Variants in FGL1 observed in about 807,000 individuals in gnomAD.
FGL1 encodes fibrinogen like 1.
FGL1 carries 59 observed loss-of-function variants against 43.7 expected under a neutral mutation model. That is an observed-to-expected ratio of 1.35 (90% confidence interval 1.10 to 1.68). The LOEUF (loss-of-function observed/expected upper bound fraction) is 1.68. Ranked by LOEUF, FGL1 falls within the 40% of genes most tolerant of loss-of-function variation. The probability of loss-of-function intolerance (pLI) is 0.00; values close to 1 mark genes in which losing one functional copy is unlikely to be tolerated. For synonymous variants in FGL1, 192 were observed against 126.5 expected (o/e 1.52, Z -3.48); for missense variants, 596 against 373.0 (o/e 1.60, Z -4.92).
At chr8:17,878,388 G>C (rs2053488184) in intron 3 of FGL1, among the ~76,000 whole-genome samples, 1 of 152,132 alleles carries the variant, frequency 6.6e-6, no homozygotes, top group African/African-American at 2.4e-5. Flanking sequence ...TAGCAAGATG[G>C]GCAGCTGGAC....
At position 17,882,804 on chromosome 8, in the gene FGL1, A is replaced by T. The variant is rs1477009280; in HGVS notation, c.64-625T>A. On this transcript the variant is annotated intron_variant, in intron 2 of 7. Coordinates refer to ENST00000427924, the MANE Select transcript of FGL1 (RefSeq NM_004467.4). ...ATAATATATAGTATATAATATATTA[A>T]ACAATATATAATATATCATATATAA... 6.4e-3 allele frequency: 809 copies of T among 125,998 alleles called. 27 individuals carry two copies. Among genetic ancestry groups the T allele is most frequent in the African/African-American group, 0.025 (773 of 31,324 alleles). 7.8% of individuals were successfully genotyped at this position (125,998 alleles called of 1,614,324 possible). A position where few individuals can be genotyped will look rare whatever the true frequency, so the allele number is the denominator to read the frequency against.
chr8:17,871,770 G>T (rs374952212), intron 5 of FGL1, among the ~76,000 whole-genome samples: 1 of 152,148 alleles, frequency 6.6e-6, no homozygotes, highest in Non-Finnish European at 1.5e-5. Context: ...GGATACGTGG[G>T]TGGGGGCCCA....
intron 1 of FGL1, among the ~76,000 whole-genome samples, chr8:17,886,615 A>C (rs1036291459): frequency 2.6e-5 from 4 of 151,924 alleles, no homozygotes; most frequent in Admixed American, 6.6e-5. Context: ...AAAATTAGCC[A>C]GGCGTGGTGG....
intron 3 of FGL1, among the ~76,000 whole-genome samples, chr8:17,876,417 A>ATATACTCCTGC (rs528476280): frequency 7.4e-4 from 112 of 152,310 alleles, no homozygotes; most frequent in African/African-American, 1.4e-3. Context: ...GGGACCAACC[A>ATATACTCCTGC]TATACTCCTG....
chr8:17,883,649 A>G (rs2053583770), intron 2 of FGL1, among the ~76,000 whole-genome samples: 1 of 145,598 alleles, frequency 6.9e-6, no homozygotes, highest in Non-Finnish European at 1.5e-5. Flanking sequence ...ATATGCATAT[A>G]TAATACATTT....
intron 3 of FGL1, among the ~76,000 whole-genome samples, chr8:17,881,724 C>A (rs761157779): frequency 6.6e-6 from 1 of 150,906 alleles, no homozygotes; most frequent in African/African-American, 2.4e-5. Flanking sequence ...GTCCCAGCTA[C>A]TCGGGAGACT....
chr8:17,889,806 A>C (rs1442978525), intron 1 of FGL1, among the ~76,000 whole-genome samples: 2 of 152,232 alleles, frequency 1.3e-5, no homozygotes, highest in Non-Finnish European at 2.9e-5. Flanking sequence ...TTTCTGACTT[A>C]GAAAAATGGC....
chr8:17,869,124 G>T, intron 5 of FGL1, 120 bp from the exon 6 acceptor site: 1 of 584,990 alleles, frequency 1.7e-6, no homozygotes. Context: ...CCAAGAATCA[G>T]TTTTCAAAGA....
chr8:17,868,621 T>G lies in FGL1; in HGVS notation c.706A>C (p.Thr236Pro). 5 of 1,614,158 alleles carry G rather than the reference T, an allele frequency of 3.1e-6. No individual in the cohort carries two copies. Among genetic ancestry groups the G allele is most frequent in the Non-Finnish European group, 4.2e-6 (5 of 1,180,024 alleles). Reference protein sequence around the residue: ...WASHQRMKFSTWDRDHDNYEG... With the variant: ...WASHQRMKFSPWDRDHDNYEG... ...TAGTTGTCATGATCTCTGTCCCACG[T>G]GCTGAATTTCATTCTTTGGTGACTA... The change falls in exon 7 of 8, where the codon ACG (threonine) becomes CCG (proline). Residue 236 changes from threonine (T) to proline (P), a missense_variant. By Grantham distance (38) the Thr-to-Pro change is conservative. Coordinates refer to ENST00000427924, the MANE Select transcript of FGL1 (RefSeq NM_004467.4).
At chr8:17,866,542 T>G (rs1331618451) in intron 7 of FGL1, among the ~76,000 whole-genome samples, 2 of 152,218 alleles carry the variant, frequency 1.3e-5, no homozygotes, top group Non-Finnish European at 2.9e-5. Context: ...TAATGCCTAC[T>G]GATTTTCCAA....
chr8:17,893,582 G>A (rs1484491917), intron 1 of FGL1, among the ~76,000 whole-genome samples: 17 of 148,128 alleles, frequency 1.1e-4, no homozygotes, highest in African/African-American at 4.2e-4. Flanking sequence ...AATCAAAAAG[G>A]CACCCCCTAG....
rs770470957 is a variant in FGL1 at position 17,874,372 on chromosome 8, T to G, written c.394A>C (p.Asn132His). Residue 132 changes from asparagine (N) to histidine (H), a missense_variant, in exon 4 of 8, where the codon AAC (asparagine) becomes CAC (histidine). Physicochemically the swap from Asn to His is moderately conservative, Grantham distance 68. Coordinates refer to ENST00000427924, the MANE Select transcript of FGL1 (RefSeq NM_004467.4). ...TCATAATTAGCACACCTGTTAAAGT[T>G]TTCACTGCCATCAGATCGTCTCTGA... ...VIQRRSDGSE[N>H]FNRGWKDYEN... 2 of 1,612,596 alleles carry G rather than the reference T, an allele frequency of 1.2e-6. No individual in the cohort carries two copies. The highest frequency in any genetic ancestry group is 1.1e-5 in the South Asian group (1 of 90,698).
At chr8:17,889,556 C>A (rs1487424702) in intron 1 of FGL1, among the ~76,000 whole-genome samples, 1 of 152,072 alleles carries the variant, frequency 6.6e-6, no homozygotes, top group Admixed American at 6.6e-5. Flanking sequence ...CCTCAAACAA[C>A]AACAACACTA....
chr8:17,877,372 C>T (rs990411574), intron 3 of FGL1, among the ~76,000 whole-genome samples: 2 of 152,066 alleles, frequency 1.3e-5, no homozygotes, highest in African/African-American at 4.8e-5. Flanking sequence ...GAAAGTAAGC[C>T]ATGTTGGAAG....
intron 6 of FGL1, 90 bp from the exon 7 acceptor site, chr8:17,868,825 T>C (rs2053312210): frequency 6.8e-7 from 1 of 1,472,264 alleles, no homozygotes; most frequent in Non-Finnish European, 9.2e-7. Context: ...GAACAGGTTC[T>C]ATTGTATATT....
intron 7 of FGL1, among the ~76,000 whole-genome samples, chr8:17,868,136 G>C (rs549577946): frequency 6.6e-6 from 1 of 152,288 alleles, no homozygotes; most frequent in Non-Finnish European, 1.5e-5. Context: ...TGATTGAAAA[G>C]TAGTACTATA....
intron 2 of FGL1, among the ~76,000 whole-genome samples, chr8:17,882,817 A>G (rs1190312222): frequency 1.7e-5 from 2 of 118,794 alleles, no homozygotes; most frequent in Admixed American, 1.0e-4. Context: ...AATATATAAT[A>G]TATCATATAT....
At chr8:17,888,281 A>G (rs900970400) in intron 1 of FGL1, among the ~76,000 whole-genome samples, 7 of 152,212 alleles carry the variant, frequency 4.6e-5, no homozygotes, top group African/African-American at 1.7e-4. Flanking sequence ...ACCAAATTAG[A>G]AGAAAAGATG....
chr8:17,882,183 C>A lies in FGL1; in HGVS notation c.64-4G>T, dbSNP rs7812956. ...CCTGGGCACAGTCCTCGAGCGCCTG[C>A]AAAACAGGTGAGATGAGATGAGTAT... On this transcript the variant is annotated splice_region_variant and splice_polypyrimidine_tract_variant and intron_variant, in intron 2 of 7. Coordinates refer to ENST00000427924, the MANE Select transcript of FGL1 (RefSeq NM_004467.4). 3,626 of 1,611,376 alleles carry A rather than the reference C, an allele frequency of 2.3e-3. 72 individuals carry two copies. The African/African-American group carries it at 0.037, about 16-fold the overall frequency.
Sources: allele counts gnomAD v4.1 joint callset (sites outside exome capture counted in the v4.1 genomes callset), GRCh38; gene constraint gnomAD v4.1.1; transcripts MANE v1.5; gene names NCBI Gene and HGNC (gene_info 2026-07-23, HGNC 2026-07-21).